Variants in RIC3 observed in about 807,000 individuals in gnomAD.
RIC3 encodes the protein RIC3 acetylcholine receptor chaperone.
In RIC3, 28 loss-of-function variants were observed where a neutral mutation model predicts 27.3. The observed-to-expected ratio is 1.02, with a 90% CI of 0.76 to 1.41. The LOEUF is 1.41. Ranked by LOEUF, RIC3 falls within the 40% of genes most tolerant of loss-of-function variation. The probability of loss-of-function intolerance (pLI) is 0.00; values close to 1 mark genes in which losing one functional copy is unlikely to be tolerated. For synonymous variants in RIC3, 184 were observed against 160.4 expected, an observed-to-expected ratio of 1.15 and a Z score of -1.11; for missense variants, 501 against 444.7, an observed-to-expected ratio of 1.13 and a Z score of -1.14.
the RIC3 span, chr11:8,098,675 C>A: frequency 1.0e-6 from 1 of 1,003,974 alleles, no homozygotes; most frequent in Admixed American, 2.0e-5. Flanking sequence ...GTTTTGCAGG[C>A]TCCTCATAGG....
chr11:8,149,032 A>AAC (rs1949986679), intron 1 of RIC3, among the ~76,000 whole-genome samples: 1 of 149,494 alleles, frequency 6.7e-6, no homozygotes, highest in African/African-American at 2.5e-5. Flanking sequence ...TACAAAAAAA[A>AAC]AAAAAAAAAA....
At position 8,168,875 on chromosome 11, in the gene RIC3, T is replaced by C. The variant is rs1565156135; in HGVS notation, c.115A>G (p.Thr39Ala). ...GCTGGCCTGCTCTTACCTTCAGGTG[T>C]CGGCGGCGGCTCCTGCCGCTTCCCG... Reference protein sequence around the residue: ...SRGKRQEPPPTPEGKLGRFPP... With the variant: ...SRGKRQEPPPAPEGKLGRFPP... The change falls in exon 1 of 6, where the codon ACA becomes GCA. Residue 39 changes from threonine to alanine, a missense_variant. Physicochemically the swap from Thr to Ala is moderately conservative, Grantham distance 58. Transcript: ENST00000309737. 1 of 1,610,678 alleles carries C rather than the reference T, an allele frequency of 6.2e-7. No homozygotes were observed. The highest frequency in any genetic ancestry group is 2.2e-5 in the East Asian group (1 of 44,626).
At chr11:8,161,879 A>G (rs972066053) in intron 1 of RIC3, among the ~76,000 whole-genome samples, 8 of 151,296 alleles carry the variant, frequency 5.3e-5, no homozygotes, top group Admixed American at 2.0e-4. Flanking sequence ...TGAGGAGGTA[A>G]TGTCCGAAAC....
the RIC3 span, chr11:8,097,305 A>C: frequency 1.2e-6 from 2 of 1,614,138 alleles, no homozygotes; most frequent in African/African-American, 2.7e-5. Flanking sequence ...AGGAGTTTGC[A>C]CTGAGGCCGG....
intron 1 of RIC3, among the ~76,000 whole-genome samples, chr11:8,149,738 C>T (rs1028909971): frequency 1.3e-5 from 2 of 152,196 alleles, no homozygotes; most frequent in African/African-American, 4.8e-5. Flanking sequence ...AAATTCTTGG[C>T]TATGACGGGA....
chr11:8,126,234 G>A (rs1251590455), intron 5 of RIC3, among the ~76,000 whole-genome samples: 1 of 152,016 alleles, frequency 6.6e-6, no homozygotes, highest in African/African-American at 2.4e-5. Context: ...ACAAATTATG[G>A]TATAAGTATA....
chr11:8,131,317 A>G (rs965154054), intron 4 of RIC3, among the ~76,000 whole-genome samples: 4 of 152,238 alleles, frequency 2.6e-5, no homozygotes, highest in African/African-American at 9.6e-5. Flanking sequence ...GGGAAGTAAA[A>G]TAAAAGGTCA....
intron 4 of RIC3, among the ~76,000 whole-genome samples, chr11:8,133,963 G>A (rs1209925711): frequency 6.6e-6 from 1 of 151,448 alleles, no homozygotes; most frequent in Non-Finnish European, 1.5e-5. Context: ...TGCCCACAGA[G>A]GTTTCATCTA....
At chr11:8,097,136 C>T in the RIC3 span, 14 of 1,419,570 alleles carry the variant, frequency 9.9e-6, no homozygotes, top group African/African-American at 8.5e-5. Flanking sequence ...TCTCTCCCAC[C>T]GCCACGTTAG....
intron 5 of RIC3, among the ~76,000 whole-genome samples, chr11:8,124,071 A>AG (rs1946748067): frequency 6.6e-6 from 1 of 150,750 alleles, no homozygotes; most frequent in South Asian, 2.1e-4. Flanking sequence ...CCTGAAAAAA[A>AG]AAAGAAAGAA....
chr11:8,101,435 T>C (rs1944298575), downstream of RIC3: 3 of 1,608,952 alleles, frequency 1.9e-6, no homozygotes, highest in Non-Finnish European at 2.5e-6. Context: ...TCCCTGGCTC[T>C]ACCATTCCTG....
At chr11:8,113,660 G>A (rs1330660916) in intron 5 of RIC3, among the ~76,000 whole-genome samples, 1 of 151,650 alleles carries the variant, frequency 6.6e-6, no homozygotes, top group Non-Finnish European at 1.5e-5. Flanking sequence ...CCACAATCCA[G>A]CAGACCCTGG....
Position 8,115,314 on chromosome 11 carries a change from C to CA in RIC3, c.671-4178dup, listed in dbSNP as rs777006536. On this transcript the variant is annotated intron_variant, in intron 5 of 5. Transcript: ENST00000309737. ...TGCTTACGGAAAACAAAAACAAAAA[C>CA]AAAAAAAAAAAAGGTCAACCAAGAA... Among the ~76,000 whole-genome samples the CA allele has an allele frequency of 9.6e-3, 1,304 of 135,870 alleles. 12 individuals are homozygous for CA. The highest frequency in any genetic ancestry group is 0.022 in the East Asian group (105 of 4,736). 89.1% of individuals were successfully genotyped at this position (135,870 alleles called of 152,430 possible).
intron 4 of RIC3, among the ~76,000 whole-genome samples, chr11:8,129,850 C>T (rs974756678): frequency 2.0e-5 from 3 of 152,200 alleles, no homozygotes; most frequent in African/African-American, 7.2e-5. Flanking sequence ...CAGCCAATGA[C>T]TTCCAAACCT....
At chr11:8,097,182 TGCTTAGGGTCCTTGGG>T in the RIC3 span, 22 of 1,603,824 alleles carry the variant, frequency 1.4e-5, no homozygotes, top group Non-Finnish European at 1.9e-5. Context: ...CAATTTGGGC[TGCTTAGGGTCCTTGGG>T]GCTCAGGCAC....
chr11:8,105,864 C>T (rs565047419), downstream of RIC3: 7 of 152,136 alleles, frequency 4.6e-5, no homozygotes, highest in East Asian at 1.9e-4. Context: ...TTTCCTAGAA[C>T]GCAACTTAGG....
chr11:8,168,018 C>G (rs961821518), intron 1 of RIC3, among the ~76,000 whole-genome samples: 1 of 152,156 alleles, frequency 6.6e-6, no homozygotes, highest in Non-Finnish European at 1.5e-5. Flanking sequence ...GTCCAGCAAT[C>G]AACAGTTTAA....
chr11:8,145,130 T>G (rs1434417388), intron 1 of RIC3, among the ~76,000 whole-genome samples: 2 of 145,440 alleles, frequency 1.4e-5, no homozygotes, highest in Non-Finnish European at 3.0e-5. Flanking sequence ...TGTATACATA[T>G]GTAACTAACC....
the RIC3 span, chr11:8,097,447 T>C: frequency 1.2e-6 from 2 of 1,614,170 alleles, no homozygotes; most frequent in Non-Finnish European, 1.7e-6. Flanking sequence ...CTGGGCATGT[T>C]ATCATCTAGG....
Sources: gnomAD v4.1 joint callset for allele counts (sites outside exome capture counted in the v4.1 genomes callset) on GRCh38, gnomAD v4.1.1 for gene constraint, MANE v1.5 for transcripts, NCBI Gene and HGNC (gene_info 2026-07-23, HGNC 2026-07-21) for gene names.